SPEG: variants seen among roughly 807,000 people sequenced by gnomAD.
SPEG encodes striated muscle enriched protein kinase.
SPEG carries 114 observed loss-of-function variants against 300.4 expected under a neutral mutation model. The observed-to-expected ratio is 0.38, with a 90% CI of 0.33 to 0.44. The LOEUF (loss-of-function observed/expected upper bound fraction) is 0.44. SPEG is among the 20% of genes least tolerant of loss of function. The probability of loss-of-function intolerance (pLI) is 1.00; values close to 1 mark genes in which losing one functional copy is unlikely to be tolerated. For missense variants in SPEG, 4,201 were observed against 4,586.2 expected (o/e 0.92, Z 2.43); for synonymous variants, 1,964 against 2,018.9 (o/e 0.97, Z 0.73).
chr2:219,474,150 G>A (rs1692136281), intron 18 of SPEG: 2 of 403,814 alleles, frequency 5.0e-6, no homozygotes, highest in Non-Finnish European at 4.5e-6. Context: ...GGCCGACACA[G>A]GTGGATTACC....
intron 1 of SPEG, among the ~76,000 whole-genome samples, chr2:219,442,941 C>T (rs1689034567): frequency 6.6e-6 from 1 of 152,118 alleles, no homozygotes; most frequent in Non-Finnish European, 1.5e-5. Flanking sequence ...GGGAGTCATT[C>T]CCTACAGGGG....
intron 9 of SPEG, chr2:219,465,906 TGCATGC>T (rs1260827120): frequency 8.8e-5 from 60 of 681,148 alleles, no homozygotes; most frequent in South Asian, 2.3e-4. Flanking sequence ...TATGGGTGTG[TGCATGC>T]GTGTGTGTGT....
rs575752820 is a variant in SPEG at position 219,474,195 on chromosome 2, T to C, written c.4447+292T>C. On this transcript the variant is annotated intron_variant, in intron 18 of 40. Coordinates refer to ENST00000312358, the MANE Select transcript of SPEG (RefSeq NM_005876.5). Reference sequence around the variant, plus strand: ...GAGTTCGTGACCAGCCTCGCCAACATGGTGAAACCCCATCTCTACTAAAAA... The same window carrying C: ...GAGTTCGTGACCAGCCTCGCCAACACGGTGAAACCCCATCTCTACTAAAAA... 9.8e-5 allele frequency: 27 copies of C among 274,402 alleles called. No homozygotes were observed. In the Admixed American group the frequency reaches 1.3e-3, roughly 13 times the overall value. The allele number at this position is 274,402 out of a possible 1,614,324, so 17.0% of individuals were successfully genotyped here. A position where few individuals can be genotyped will look rare whatever the true frequency, so the allele number is the denominator to read the frequency against.
intron 6 of SPEG, among the ~76,000 whole-genome samples, chr2:219,454,720 GTTTT>G (rs1690040568): frequency 6.6e-6 from 1 of 152,212 alleles, no homozygotes; most frequent in Admixed American, 6.5e-5. Context: ...GCCTAGGGAT[GTTTT>G]CAGCAACAAC....
At chr2:219,442,269 G>T (rs965139416) in intron 1 of SPEG, among the ~76,000 whole-genome samples, 5 of 151,648 alleles carry the variant, frequency 3.3e-5, no homozygotes, top group Non-Finnish European at 5.9e-5. Flanking sequence ...TGTCCTGAGC[G>T]CGCAGGCCCC....
In SPEG at chr2:219,435,266, C is replaced by A; in HGVS notation, c.289C>A (p.Arg97Ser). 3 of 1,493,000 alleles carry A rather than the reference C, an allele frequency of 2.0e-6. No individual in the cohort carries two copies. The highest frequency in any genetic ancestry group is 1.8e-6 in the Non-Finnish European group (2 of 1,130,620). The allele number at this position is 1,493,000 out of a possible 1,614,324, so 92.5% of individuals were successfully genotyped here. The stretch of plus-strand genomic sequence containing the variant: ...CGAGCCCAGCTGCCTGTGGCTGCGG[C>A]GCTGCGGGGCGCAGGACGCCGGCGT... ...APEPSCLWLRRCGAQDAGVYS... is the reference protein window; with the variant it reads ...APEPSCLWLRSCGAQDAGVYS... Residue 97 changes from arginine to serine, a missense_variant, in exon 1 of 41, where the codon CGC becomes AGC. Around this residue, in one of 4 missense-constraint regions of SPEG, gnomAD observed 1,258 missense variants for 1,293.9 expected, o/e 0.97. Coordinates refer to ENST00000312358, the MANE Select transcript of SPEG (RefSeq NM_005876.5).
chr2:219,473,701 G>C lies in SPEG; in HGVS notation c.4272-27G>C. The C allele has an allele frequency of 6.2e-7, 1 of 1,612,946 alleles. No individual in the cohort carries two copies. The highest frequency in any genetic ancestry group is 8.5e-7 in the Non-Finnish European group (1 of 1,179,164). ...CGGAATGCCCTGGGGCAAGATCTGG[G>C]TGACCTCCCTGTCATGTGTCCCCTA... On this transcript the variant is annotated intron_variant, in intron 17 of 40. Transcript: ENST00000312358. This position sits in a 1 kb window ranked among gnomAD's most constrained non-coding sequence, Gnocchi z 4.6.
chr2:219,473,215 G>C lies in SPEG; in HGVS notation c.4147+119G>C, dbSNP rs959161109. On this transcript the variant is annotated intron_variant, in intron 16 of 40. Transcript: ENST00000312358. The surrounding 1 kb of genome is among the most constrained non-coding windows in gnomAD (Gnocchi z 4.6). ...GGTAACTGGCAGGAGCAGCCTAGCC[G>C]GGCGGGACCTTGGCCCATCTGTACA... The C allele has an allele frequency of 1.9e-6, 2 of 1,025,756 alleles. No homozygotes were observed. Among genetic ancestry groups the C allele is most frequent in the Admixed American group, 2.3e-5 (1 of 44,400 alleles). 63.5% of individuals were successfully genotyped at this position (1,025,756 alleles called of 1,614,324 possible).
intron 1 of SPEG, chr2:219,441,388 C>A (rs1219373117): frequency 5.0e-6 from 2 of 398,534 alleles, no homozygotes; most frequent in Non-Finnish European, 1.0e-5. Context: ...TCTTGAGAAG[C>A]CTTAGGGTTT....
At chr2:219,474,082 T>A in intron 18 of SPEG, 179 bp downstream of exon 18, 2 of 651,834 alleles carry the variant, frequency 3.1e-6, no homozygotes, top group Non-Finnish European at 5.1e-6. Flanking sequence ...ACAATCATAC[T>A]AACAAGATTT....
In SPEG at chr2:219,485,358, G is replaced by A; in HGVS notation, c.7622G>A (p.Ser2541Asn). The change falls in exon 31 of 41, where the codon AGC becomes AAC. Residue 2541 changes from serine to asparagine, a missense_variant. Transcript: ENST00000312358. ...ATSGSSAPGE[S>N]RSRLRWGFSR... The stretch of plus-strand genomic sequence containing the variant: ...TGAGTCTTCACAGCCCCAGGGGAAA[G>A]CCGAAGCCGGCTCCGCTGGGGCTTC... 1 of 1,606,510 alleles carries A rather than the reference G, an allele frequency of 6.2e-7. No homozygotes were observed. Among genetic ancestry groups the A allele is most frequent in the Non-Finnish European group, 8.5e-7 (1 of 1,176,732 alleles).
chr2:219,490,719 C>T lies in SPEG; in HGVS notation c.9162-14C>T. 1 of 1,613,784 alleles carries T rather than the reference C, an allele frequency of 6.2e-7. No individual in the cohort carries two copies. The highest frequency in any genetic ancestry group is 8.5e-7 in the Non-Finnish European group (1 of 1,179,766). ...CTGGGCCGGGTATCATCTGCTCCAT[C>T]CCTGCCCTCCCAGGTTCCGGTATTC... On this transcript the variant is annotated splice_polypyrimidine_tract_variant and intron_variant, in intron 37 of 40. Coordinates refer to ENST00000312358, the MANE Select transcript of SPEG (RefSeq NM_005876.5).
At chr2:219,465,047 AGAGTCTGGTGGCTG>A (rs1289966879) in intron 9 of SPEG, 1 of 141,720 alleles carries the variant, frequency 7.1e-6, no homozygotes, top group Non-Finnish European at 1.4e-5. Flanking sequence ...AGCGGTGGGG[AGAGTCTGGTGGCTG>A]GACCCGTTCG....
Position 219,481,453 on chromosome 2 carries a change from G to A in SPEG, c.5519G>A (p.Arg1840Gln), listed in dbSNP as rs759153593. 12 of 1,614,020 alleles carry A rather than the reference G, an allele frequency of 7.4e-6. No homozygotes were observed. In the South Asian group the frequency reaches 8.8e-5, roughly 12 times the overall value. ...GFLIKVLVQD[R>Q]LRPTAEETLE... is the part of the protein sequence containing the mutation. Reference sequence around the variant, plus strand: ...CTCATCAAAGTGTTGGTGCAGGACCGGCTGTGAGTACAAGGCCCTGGGAGC... The same window carrying A: ...CTCATCAAAGTGTTGGTGCAGGACCAGCTGTGAGTACAAGGCCCTGGGAGC... Residue 1840 changes from arginine (R) to glutamine (Q), a missense_variant, in exon 27 of 41, where the codon CGG (arginine) becomes CAG (glutamine). Physicochemically the swap from Arg to Gln is conservative, Grantham distance 43. This residue lies in a region of SPEG where 1,047 missense variants were observed against 1,356.8 expected (regional missense o/e 0.77). Coordinates refer to ENST00000312358, the MANE Select transcript of SPEG (RefSeq NM_005876.5). The surrounding 1 kb of genome is among the most constrained non-coding windows in gnomAD (Gnocchi z 5.4).
In SPEG at chr2:219,443,186, G is replaced by A. The variant is rs1435446282; in HGVS notation, c.389-1467G>A. The A allele has an allele frequency of 1.2e-6, 2 of 1,605,516 alleles. No homozygotes were observed. The highest frequency in any genetic ancestry group is 1.1e-5 in the South Asian group (1 of 90,896). ...CGTGGGCGTCCTTGCTCTAGCCCAT[G>A]CCTACTCCTCCTCTTGGTCCCTGTC... is the stretch of plus-strand genomic sequence containing the variant. On this transcript the variant is annotated intron_variant, in intron 1 of 40. Transcript: ENST00000312358. The surrounding 1 kb of genome is among the most constrained non-coding windows in gnomAD (Gnocchi z 4.6).
chr2:219,448,467 G>C lies in SPEG; in HGVS notation c.1309G>C (p.Glu437Gln). ...WVPLRKARSL[E>Q]QPKSERGAPW... is the part of the protein sequence containing the mutation. ...GCCCCTGCGCAAGGCCCGCTCTCTG[G>C]AGCAGCCCAAGTCGGAGCGCGGCGC... The change falls in exon 4 of 41, where the codon GAG (glutamate) becomes CAG (glutamine). Residue 437 changes from glutamate to glutamine, a missense_variant. By Grantham distance (29) the Glu-to-Gln change is conservative (BLOSUM62 2). Coordinates refer to ENST00000312358, the MANE Select transcript of SPEG (RefSeq NM_005876.5). The C allele has an allele frequency of 6.7e-7, 1 of 1,499,316 alleles. No individual in the cohort carries two copies. Among genetic ancestry groups the C allele is most frequent in the East Asian group, 2.7e-5 (1 of 37,484 alleles). The allele number at this position is 1,499,316 out of a possible 1,614,324, so 92.9% of individuals were successfully genotyped here.
At position 219,477,270 on chromosome 2, in the gene SPEG, T is replaced by C. The variant is rs1314870188; in HGVS notation, c.4561-7T>C. On this transcript the variant is annotated splice_polypyrimidine_tract_variant and splice_region_variant and intron_variant, in intron 19 of 40. Coordinates refer to ENST00000312358, the MANE Select transcript of SPEG (RefSeq NM_005876.5). The surrounding 1 kb of genome is among the most constrained non-coding windows in gnomAD (Gnocchi z 6.4). ...GCCCAGGCTGAAGGTGAGACCCCACTCTGCAGGACGAGGTGCTGCTGACCG... is the reference window on the plus strand; with the variant it reads ...GCCCAGGCTGAAGGTGAGACCCCACCCTGCAGGACGAGGTGCTGCTGACCG... 1 of 1,606,722 alleles carries C rather than the reference T, an allele frequency of 6.2e-7. No homozygotes were observed. The highest frequency in any genetic ancestry group is 8.5e-7 in the Non-Finnish European group (1 of 1,177,774).
At position 219,469,344 on chromosome 2, in the gene SPEG, G is replaced by A. The variant is rs760564290; in HGVS notation, c.3680G>A (p.Arg1227His). 62 of 1,613,642 alleles carry A rather than the reference G, an allele frequency of 3.8e-5. No homozygotes were observed. Among genetic ancestry groups the A allele is most frequent in the Non-Finnish European group, 4.7e-5 (55 of 1,179,934 alleles). ...PTISWFHNGH[R>H]IQSSDDRRMT... ...ATCAGCTGGTTCCACAATGGCCACC[G>A]CATCCAGAGCAGCGACGACCGGCGC... Residue 1227 changes from arginine (R) to histidine (H), a missense_variant, in exon 13 of 41, where the codon CGC becomes CAC. This residue lies in a region of SPEG where 1,047 missense variants were observed against 1,356.8 expected (regional missense o/e 0.77). Coordinates refer to ENST00000312358, the MANE Select transcript of SPEG (RefSeq NM_005876.5).
Position 219,448,097 on chromosome 2 carries a change from C to T in SPEG, c.939C>T (p.Ser313=), listed in dbSNP as rs1689452723. The T allele has an allele frequency of 1.9e-6, 3 of 1,605,116 alleles. No homozygotes were observed. The change falls in exon 4 of 41, where the codon TCC becomes TCT. Residue 313 remains serine, a synonymous_variant. Transcript: ENST00000312358. ...PSKSALLPPP[S]PRVGKRSPPG... ...AATCCGCGCTGCTCCCCCCACCGTC[C>T]CCTCGGGTCGGGAAGCGGTCCCCGC...
Sources: allele counts gnomAD v4.1 joint callset (sites outside exome capture counted in the v4.1 genomes callset), GRCh38; gene constraint gnomAD v4.1.1; regional missense constraint gnomAD v4.1.1; non-coding constraint Gnocchi (gnomAD v3.1); transcripts MANE v1.5; gene names NCBI Gene and HGNC (gene_info 2026-07-23, HGNC 2026-07-21).